RBFOX1: variants seen among roughly 807,000 people sequenced by gnomAD.
RBFOX1 encodes RNA binding protein fox-1 homolog 1.
A neutral mutation model predicts 57.7 loss-of-function variants in RBFOX1; 8 were observed. That is an observed-to-expected ratio of 0.14 (90% CI 0.08 to 0.25). The LOEUF (loss-of-function observed/expected upper bound fraction) is 0.25, where lower values mean the gene tolerates loss of function less well. Ranked by LOEUF, RBFOX1 falls within the 10% of genes least tolerant of loss-of-function variation. The pLI is 1.00. For missense variants in RBFOX1, 611 were observed against 548.5 expected (o/e 1.11, Z -1.14); for synonymous variants, 326 against 222.4 (o/e 1.47, Z -4.15).
At chr16:7,024,906 C>G (rs868492999) in intron 3 of RBFOX1, among the ~76,000 whole-genome samples, 3 of 152,078 alleles carry the variant, frequency 2.0e-5, no homozygotes, top group African/African-American at 7.2e-5. Context: ...CTGCTGCACT[C>G]CTCACTTTAT....
intron 4 of RBFOX1, among the ~76,000 whole-genome samples, chr16:7,484,864 A>C (rs1244798545): frequency 6.6e-6 from 1 of 152,102 alleles, no homozygotes; most frequent in Non-Finnish European, 1.5e-5. Context: ...TTTAATGGCC[A>C]CCTTTGGGCT....
intron 1 of RBFOX1, among the ~76,000 whole-genome samples, chr16:5,322,599 T>G (rs1274163011): frequency 6.6e-6 from 1 of 152,182 alleles, no homozygotes; most frequent in Non-Finnish European, 1.5e-5. Context: ...GCTCAAGCCC[T>G]TTTGTTCTCT....
intron 4 of RBFOX1, among the ~76,000 whole-genome samples, chr16:7,515,478 TAC>T (rs144695101): frequency 0.052 from 7,625 of 145,930 alleles, 197 homozygotes; most frequent in East Asian, 0.11. Context: ...CACACACACA[TAC>T]ACACACACAC....
intron 2 of RBFOX1, among the ~76,000 whole-genome samples, chr16:6,481,502 C>G (rs1442284819): frequency 6.6e-6 from 1 of 152,216 alleles, no homozygotes. Flanking sequence ...CTTCCTATAA[C>G]CTTGCTTTTG....
At chr16:5,732,692 T>C (rs117733724) in intron 3 of RBFOX1, among the ~76,000 whole-genome samples, 142 of 152,352 alleles carry the variant, frequency 9.3e-4, no homozygotes, top group Non-Finnish European at 1.5e-3. Context: ...AGATCACATC[T>C]ATCCATTTTT....
chr16:6,859,155 A>ATATATATACGTATATATATACG (rs2058512610), intron 3 of RBFOX1, among the ~76,000 whole-genome samples: 4 of 60,246 alleles, frequency 6.6e-5, no homozygotes, highest in African/African-American at 2.4e-4. Context: ...ATATATATGT[A>ATATATATACGTATATATATACG]TATATATACG....
intron 3 of RBFOX1, among the ~76,000 whole-genome samples, chr16:5,733,128 A>C (rs1371784888): frequency 1.3e-5 from 2 of 152,190 alleles, no homozygotes; most frequent in East Asian, 1.9e-4. Flanking sequence ...CCCCTTCTGA[A>C]ATGAAATAGG....
At chr16:5,655,277 T>C (rs2049388012) in intron 3 of RBFOX1, among the ~76,000 whole-genome samples, 1 of 152,126 alleles carries the variant, frequency 6.6e-6, no homozygotes, top group Non-Finnish European at 1.5e-5. Context: ...TGTTCTATGA[T>C]TTTTTTTGAG....
At position 7,286,104 on chromosome 16, in the gene RBFOX1, T is replaced by C. The variant is rs565908366; in HGVS notation, c.28-232043T>C. Among the ~76,000 whole-genome samples the C allele has an allele frequency of 2.6e-5, 4 of 152,344 alleles. No individual in the cohort carries two copies. The South Asian group carries it at 8.3e-4, about 32-fold the overall frequency. On this transcript the variant is annotated intron_variant, in intron 4 of 15. Transcript: ENST00000550418. Reference sequence around the variant, plus strand: ...CCACTCTATAAATATTTATAGATGATTTAAATAAGGAACGAATGAGTGAAT... The same window carrying C: ...CCACTCTATAAATATTTATAGATGACTTAAATAAGGAACGAATGAGTGAAT...
At chr16:5,593,639 C>G (rs372646833) in intron 2 of RBFOX1, among the ~76,000 whole-genome samples, 1 of 152,052 alleles carries the variant, frequency 6.6e-6, no homozygotes, top group Admixed American at 6.5e-5. Flanking sequence ...AATGCCATGG[C>G]GATGTCAGGA....
chr16:5,544,096 C>G (rs962360119), intron 2 of RBFOX1, among the ~76,000 whole-genome samples: 10 of 152,110 alleles, frequency 6.6e-5, no homozygotes, highest in Admixed American at 6.6e-5. Context: ...GCCCACCACC[C>G]AACAACAGGA....
At position 7,132,672 on chromosome 16, in the gene RBFOX1, G is replaced by A. The variant is rs1002125281; in HGVS notation, c.27+80574G>A. Among the ~76,000 whole-genome samples, 8 of 151,076 alleles carry A rather than the reference G, an allele frequency of 5.3e-5. No individual in the cohort carries two copies. In the East Asian group the frequency reaches 7.7e-4, roughly 15 times the overall value. On this transcript the variant is annotated intron_variant, in intron 4 of 15. Transcript: ENST00000550418. ...CCCTGAAAAATAAGGGCAGCCTGAC[G>A]CACACTTCAGCATGGATATTCCTTG...
chr16:6,617,612 A>G (rs1156329062), intron 2 of RBFOX1, among the ~76,000 whole-genome samples: 2 of 152,094 alleles, frequency 1.3e-5, no homozygotes, highest in South Asian at 2.1e-4. Context: ...CCAAAGATTT[A>G]CTAAATGCTT....
At position 6,982,993 on chromosome 16, in the gene RBFOX1, T is replaced by TAAAA. The variant is rs370173635; in HGVS notation, c.-15-69043_-15-69040dup. Reference sequence around the variant, plus strand: ...TGGGTGACAAGAGTGAGACTCTGTCTAAAAAAAAAAAAAAAAAAAAAAAAG... The same window carrying TAAAA: ...TGGGTGACAAGAGTGAGACTCTGTCTAAAAAAAAAAAAAAAAAAAAAAAAAAAAG... On this transcript the variant is annotated intron_variant, in intron 3 of 15. Coordinates refer to ENST00000550418, the MANE Select transcript of RBFOX1 (RefSeq NM_018723.4). 2.9e-3 allele frequency among the ~76,000 whole-genome samples: 233 copies of TAAAA among 79,292 alleles called. 4 individuals carry two copies. The highest frequency in any genetic ancestry group is 9.1e-3 in the African/African-American group (197 of 21,618). The allele number at this position is 79,292 out of a possible 152,430, so 52.0% of individuals were successfully genotyped here.
intron 1 of RBFOX1, among the ~76,000 whole-genome samples, chr16:6,147,734 G>C (rs1001868907): frequency 6.6e-6 from 1 of 152,158 alleles, no homozygotes; most frequent in African/African-American, 2.4e-5. Flanking sequence ...CCCAGTCCTC[G>C]CACCAAAATC....
At chr16:7,281,396 A>C (rs1603482790) in intron 4 of RBFOX1, among the ~76,000 whole-genome samples, 1 of 152,084 alleles carries the variant, frequency 6.6e-6, no homozygotes, top group East Asian at 2.0e-4. Flanking sequence ...TATGAGAGCC[A>C]GGTGACTTTG....
chr16:7,095,955 G>C (rs1465456253), intron 4 of RBFOX1, among the ~76,000 whole-genome samples: 2 of 148,022 alleles, frequency 1.4e-5, no homozygotes, highest in African/African-American at 5.0e-5. Flanking sequence ...GGAGCTTGCA[G>C]TGAGCTGAGA....
rs542523326 is a variant in RBFOX1 at position 6,502,132 on chromosome 16, G to A, written c.-63-152471G>A. Reference sequence around the variant, plus strand: ...CAACTGGAACCAAAAAATTCCTTCAGTGTCCCTTCAGGCATTGGCTTTAGC... The same window carrying A: ...CAACTGGAACCAAAAAATTCCTTCAATGTCCCTTCAGGCATTGGCTTTAGC... On this transcript the variant is annotated intron_variant, in intron 2 of 15. Coordinates refer to ENST00000550418, the MANE Select transcript of RBFOX1 (RefSeq NM_018723.4). Among the ~76,000 whole-genome samples, 44 of 152,252 alleles carry A rather than the reference G, an allele frequency of 2.9e-4. No individual in the cohort carries two copies. The South Asian group carries it at 9.1e-3, about 32-fold the overall frequency.
At chr16:7,211,876 A>C (rs7195417) in intron 4 of RBFOX1, among the ~76,000 whole-genome samples, 34,990 of 151,966 alleles carry the variant, frequency 0.23, 4,930 homozygotes, top group African/African-American at 0.39. Context: ...AATGCAAGCA[A>C]AATAAAATTA....
Sources: gnomAD v4.1 joint callset for allele counts (sites outside exome capture counted in the v4.1 genomes callset) on GRCh38, gnomAD v4.1.1 for gene constraint, MANE v1.5 for transcripts, NCBI Gene and HGNC (gene_info 2026-07-23, HGNC 2026-07-21) for gene names.